Variants in NDUFS4 observed in about 807,000 individuals in gnomAD.
NDUFS4 encodes NADH dehydrogenase [ubiquinone] iron-sulfur protein 4, mitochondrial.
NDUFS4 carries 28 observed loss-of-function variants against 24.3 expected under a neutral mutation model. The observed-to-expected ratio is 1.15, with a 90% CI of 0.85 to 1.58. The LOEUF (loss-of-function observed/expected upper bound fraction) is 1.58. Among genes scored for constraint, NDUFS4 ranks in the 40% most tolerant of loss-of-function variants. The pLI is 0.00. For missense variants in NDUFS4, 223 were observed against 207.9 expected, an observed-to-expected ratio of 1.07 and a Z score of -0.45; for synonymous variants, 93 against 69.7, an observed-to-expected ratio of 1.34 and a Z score of -1.67.
intron 4 of NDUFS4, among the ~76,000 whole-genome samples, chr5:53,664,891 G>A (rs1489865325): frequency 1.3e-5 from 2 of 152,208 alleles, no homozygotes; most frequent in African/African-American, 4.8e-5. Context: ...TCCTTTGGAG[G>A]AGGAGAAGTG....
intron 1 of NDUFS4, among the ~76,000 whole-genome samples, chr5:53,601,804 C>T (rs914595948): frequency 6.6e-6 from 1 of 152,156 alleles, no homozygotes; most frequent in East Asian, 1.9e-4. Context: ...AGGATACCTG[C>T]GTTAGTCAGA....
intron 1 of NDUFS4, among the ~76,000 whole-genome samples, chr5:53,563,482 A>T (rs1333255534): frequency 6.6e-6 from 1 of 151,332 alleles, no homozygotes; most frequent in Non-Finnish European, 1.5e-5. Context: ...AGGAGGCAAA[A>T]AAAGGGGTTA....
At chr5:53,675,727 C>T (rs1159119315) in intron 4 of NDUFS4, among the ~76,000 whole-genome samples, 1 of 152,048 alleles carries the variant, frequency 6.6e-6, no homozygotes, top group African/African-American at 2.4e-5. Context: ...CATTTTTTCT[C>T]ACCCAATAGA....
At chr5:53,626,372 T>C (rs1023374135) in intron 2 of NDUFS4, among the ~76,000 whole-genome samples, 2 of 152,210 alleles carry the variant, frequency 1.3e-5, no homozygotes, top group Admixed American at 6.5e-5. Flanking sequence ...TATAGTAGAA[T>C]GATTTATAAT....
At chr5:53,571,733 A>G (rs1336896263) in intron 1 of NDUFS4, among the ~76,000 whole-genome samples, 1 of 152,198 alleles carries the variant, frequency 6.6e-6, no homozygotes, top group African/African-American at 2.4e-5. Flanking sequence ...TAGTGAGTAT[A>G]AGGTGGTACC....
chr5:53,631,711 C>T (rs893557866), intron 2 of NDUFS4, among the ~76,000 whole-genome samples: 2 of 152,138 alleles, frequency 1.3e-5, no homozygotes, highest in East Asian at 3.9e-4. Context: ...TCAGCAATGG[C>T]GGACTCCACT....
intron 2 of NDUFS4, among the ~76,000 whole-genome samples, chr5:53,627,424 A>G (rs112997147): frequency 0.017 from 2,659 of 152,314 alleles, 78 homozygotes; most frequent in African/African-American, 0.06. Flanking sequence ...GAAGAAAGCC[A>G]GTGGTACCTT....
chr5:53,648,727 T>A lies in NDUFS4; in HGVS notation c.350+2322T>A, dbSNP rs577431974. ...GACATCTAGTTAATAATGGCAATAC[T>A]ATGAGACACAGGACTGCCCTCCTTT... On this transcript the variant is annotated intron_variant, in intron 3 of 4. Coordinates refer to ENST00000296684, the MANE Select transcript of NDUFS4 (RefSeq NM_002495.4). Among the ~76,000 whole-genome samples the A allele has an allele frequency of 1.1e-4, 17 of 152,334 alleles. 1 individual carries two copies. The East Asian group carries it at 2.3e-3, about 21-fold the overall frequency.
intron 1 of NDUFS4, among the ~76,000 whole-genome samples, chr5:53,575,782 T>C (rs1252158147): frequency 6.6e-6 from 1 of 152,078 alleles, no homozygotes; most frequent in African/African-American, 2.4e-5. Flanking sequence ...CCTGAAGTGA[T>C]CTGCCTGCCT....
At chr5:53,663,209 T>A (rs191587646) in intron 4 of NDUFS4, among the ~76,000 whole-genome samples, 3 of 152,236 alleles carry the variant, frequency 2.0e-5, no homozygotes, top group Non-Finnish European at 4.4e-5. Context: ...TTTGTTATAA[T>A]TTCTGTTCTT....
At chr5:53,626,370 A>G (rs192658213) in intron 2 of NDUFS4, among the ~76,000 whole-genome samples, 1 of 152,200 alleles carries the variant, frequency 6.6e-6, no homozygotes, top group East Asian at 1.9e-4. Context: ...TTTATAGTAG[A>G]ATGATTTATA....
intron 1 of NDUFS4, 68 bp from the exon 2 acceptor site, chr5:53,603,384 A>G (rs1051317249): frequency 1.2e-5 from 11 of 896,596 alleles, no homozygotes; most frequent in Admixed American, 1.0e-4. Context: ...TAGCTTGTTT[A>G]TGTAAGATTT....
intron 4 of NDUFS4, among the ~76,000 whole-genome samples, chr5:53,659,536 G>A (rs1561391960): frequency 6.6e-6 from 1 of 152,068 alleles, no homozygotes; most frequent in Non-Finnish European, 1.5e-5. Flanking sequence ...ATAACTATTA[G>A]TTCTGACCTT....
intron 2 of NDUFS4, among the ~76,000 whole-genome samples, chr5:53,626,384 C>A (rs1579891040): frequency 6.6e-6 from 1 of 152,136 alleles, no homozygotes; most frequent in East Asian, 1.9e-4. Flanking sequence ...ATTTATAATC[C>A]TTTGGGTACC....
chr5:53,653,912 A>G (rs889175722), intron 3 of NDUFS4, among the ~76,000 whole-genome samples: 21 of 152,146 alleles, frequency 1.4e-4, no homozygotes, highest in Non-Finnish European at 5.9e-5. Flanking sequence ...GATTTTGCAT[A>G]TAAGCCACAT....
At chr5:53,570,466 A>C (rs761490224) in intron 1 of NDUFS4, among the ~76,000 whole-genome samples, 3 of 152,150 alleles carry the variant, frequency 2.0e-5, no homozygotes, top group Admixed American at 6.5e-5. Context: ...GTGTAAATAG[A>C]GCTTCTGTAC....
intron 1 of NDUFS4, among the ~76,000 whole-genome samples, chr5:53,572,973 T>G (rs1161498503): frequency 1.3e-4 from 11 of 86,270 alleles, no homozygotes; most frequent in African/African-American, 1.8e-4. Flanking sequence ...TTTTTTTGTT[T>G]TTTTTTTTTT....
intron 1 of NDUFS4, among the ~76,000 whole-genome samples, chr5:53,576,058 ATCT>A (rs1168386148): frequency 6.6e-6 from 1 of 152,242 alleles, no homozygotes; most frequent in African/African-American, 2.4e-5. Context: ...CAAACAATAA[ATCT>A]TCTTTGAGAG....
chr5:53,592,543 C>T (rs545397489), intron 1 of NDUFS4, among the ~76,000 whole-genome samples: 2 of 152,170 alleles, frequency 1.3e-5, no homozygotes, highest in Non-Finnish European at 2.9e-5. Context: ...CATTTAGGTT[C>T]ATGAGCCATT....
Sources: allele counts gnomAD v4.1 joint callset (sites outside exome capture counted in the v4.1 genomes callset), GRCh38; gene constraint gnomAD v4.1.1; transcripts MANE v1.5; gene names NCBI Gene and HGNC (gene_info 2026-07-23, HGNC 2026-07-21).